ACIN1: variants seen among roughly 807,000 people sequenced by gnomAD.
The protein encoded by ACIN1 is apoptotic chromatin condensation inducer in the nucleus.
A neutral mutation model predicts 146.6 loss-of-function variants in ACIN1; 16 were observed. That is an observed-to-expected ratio of 0.11 (90% CI 0.07 to 0.17). The LOEUF (loss-of-function observed/expected upper bound fraction) is 0.17, where lower values mean the gene tolerates loss of function less well. Ranked by LOEUF, ACIN1 falls within the 10% of genes least tolerant of loss-of-function variation. The probability of loss-of-function intolerance (pLI) is 1.00; values close to 1 mark genes in which losing one functional copy is unlikely to be tolerated. For missense variants in ACIN1, 1,357 were observed against 1,609.3 expected, an observed-to-expected ratio of 0.84 and a Z score of 2.68; for synonymous variants, 569 against 582.7, an observed-to-expected ratio of 0.98 and a Z score of 0.34.
upstream of ACIN1, chr14:23,095,490 C>T: frequency 5.7e-6 from 4 of 696,956 alleles, no homozygotes; most frequent in Admixed American, 1.4e-4. Context: ...GGGGCGGGTC[C>T]GAGGCCGGAA....
chr14:23,068,781 A>G lies in ACIN1; in HGVS notation c.2265+695T>C, dbSNP rs896482344. ...GCAACACACACCAGAAAAAGGCTAC[A>G]CACACAACAGTCCCTCCCACCTTGT... On this transcript the variant is annotated intron_variant, in intron 9 of 18. Coordinates refer to ENST00000605057, the MANE Select transcript of ACIN1 (RefSeq NM_001386863.1). The surrounding 1 kb of genome is among the most constrained non-coding windows in gnomAD (Gnocchi z 4.3). The G allele has an allele frequency of 4.1e-6, 4 of 985,352 alleles. No homozygotes were observed. In the African/African-American group the frequency reaches 7.0e-5, roughly 17 times the overall value. The allele number at this position is 985,352 out of a possible 1,614,324, so 61.0% of individuals were successfully genotyped here.
Position 23,061,971 on chromosome 14 carries a change from C to CAAAAAAAAA in ACIN1, c.3099+188_3099+196dup, listed in dbSNP as rs57962360. Among the ~76,000 whole-genome samples, 112 of 59,128 alleles carry CAAAAAAAAA rather than the reference C, an allele frequency of 1.9e-3. 7 individuals are homozygous for CAAAAAAAAA. The highest frequency in any genetic ancestry group is 7.7e-3 in the African/African-American group (105 of 13,632). 38.8% of individuals were successfully genotyped at this position (59,128 alleles called of 152,430 possible). ...CCTGGGAGACAGCGAGACTCTGTCT[C>CAAAAAAAAA]AAAAAAAAAAAAAAAAAAAAAAGGA... On this transcript the variant is annotated intron_variant, in intron 16 of 18. Coordinates refer to ENST00000605057, the MANE Select transcript of ACIN1 (RefSeq NM_001386863.1).
At chr14:23,088,153 A>C (rs1348395871) in intron 4 of ACIN1, among the ~76,000 whole-genome samples, 1 of 152,204 alleles carries the variant, frequency 6.6e-6, no homozygotes, top group Non-Finnish European at 1.5e-5. Flanking sequence ...GGAATTCAAT[A>C]AATTTTTTTT....
chr14:23,094,533 C>T (rs1360715397), intron 1 of ACIN1: 1 of 985,354 alleles, frequency 1.0e-6, no homozygotes, highest in Non-Finnish European at 1.2e-6. Flanking sequence ...CTACCCCAGT[C>T]CTATTCGTGC....
At chr14:23,093,330 T>G (rs961597498) in intron 2 of ACIN1, 149 bp downstream of exon 2, 7 of 751,620 alleles carry the variant, frequency 9.3e-6, no homozygotes, top group African/African-American at 1.8e-5. Flanking sequence ...TTGATTAGAA[T>G]TCAACTGTCC....
At chr14:23,060,466 G>T (rs1487191648) in intron 18 of ACIN1, among the ~76,000 whole-genome samples, 1 of 151,680 alleles carries the variant, frequency 6.6e-6, no homozygotes, top group South Asian at 2.1e-4. Context: ...GCAGGGAAAT[G>T]AATTTATAAA....
intron 9 of ACIN1, chr14:23,066,569 C>G (rs1477111835): frequency 6.5e-6 from 1 of 152,898 alleles, no homozygotes; most frequent in Non-Finnish European, 1.5e-5. Context: ...ACTGTCATGT[C>G]AAGACTGCCC....
rs776778970 is a variant in ACIN1, at chr14:23,067,458, T to TA, written c.2266-1451dup. 4.2e-5 allele frequency: 41 copies of TA among 976,528 alleles called. No individual in the cohort carries two copies. Among genetic ancestry groups the TA allele is most frequent in the Non-Finnish European group, 4.9e-5 (41 of 828,336 alleles). 60.5% of individuals were successfully genotyped at this position (976,528 alleles called of 1,614,324 possible). A position where few individuals can be genotyped will look rare whatever the true frequency, so the allele number is the denominator to read the frequency against. On this transcript the variant is annotated intron_variant, in intron 9 of 18. Transcript: ENST00000605057. The surrounding 1 kb of genome is among the most constrained non-coding windows in gnomAD (Gnocchi z 4.6). ...CAAAAAAGGTGGGCGCACGGCGTGGTAGTCAGCACGGCACTGCCAGAGTCC... is the reference window on the plus strand; with the variant it reads ...CAAAAAAGGTGGGCGCACGGCGTGGTAAGTCAGCACGGCACTGCCAGAGTCC...
At position 23,069,634 on chromosome 14, in the gene ACIN1, G is replaced by A. The variant is rs764211791; in HGVS notation, c.2124-17C>T. On this transcript the variant is annotated splice_polypyrimidine_tract_variant and intron_variant, in intron 8 of 18. Coordinates refer to ENST00000605057, the MANE Select transcript of ACIN1 (RefSeq NM_001386863.1). ...TTCTCCTCACTGACAGGAGGGGGGA[G>A]TGGTGGTGGGGGGGCGGGCAGAAAA... 6.6e-7 allele frequency: 1 copy of A among 1,511,786 alleles called. No individual in the cohort carries two copies. The highest frequency in any genetic ancestry group is 9.1e-7 in the Non-Finnish European group (1 of 1,103,888). The allele number at this position is 1,511,786 out of a possible 1,614,324, so 93.6% of individuals were successfully genotyped here.
chr14:23,088,188 A>G (rs2048136101), intron 4 of ACIN1, among the ~76,000 whole-genome samples: 1 of 152,206 alleles, frequency 6.6e-6, no homozygotes. Flanking sequence ...AGAAATACCG[A>G]CAATTTTAGA....
chr14:23,094,967 C>T lies in ACIN1; in HGVS notation c.138+8G>A. ...TCCTCCGACACCCCAGCAACGCCGA[C>T]TCCTCACCCCTTTGAGCCGCTTGAC... On this transcript the variant is annotated splice_region_variant and intron_variant, in intron 1 of 18. Coordinates refer to ENST00000605057, the MANE Select transcript of ACIN1 (RefSeq NM_001386863.1). 6.3e-7 allele frequency: 1 copy of T among 1,587,700 alleles called. No homozygotes were observed. The highest frequency in any genetic ancestry group is 1.1e-5 in the South Asian group (1 of 89,506).
chr14:23,079,303 G>A (rs149340441), intron 6 of ACIN1, among the ~76,000 whole-genome samples: 1 of 152,312 alleles, frequency 6.6e-6, no homozygotes, highest in Non-Finnish European at 1.5e-5. Context: ...TTTCCATCTA[G>A]TGGAGGAGAT....
At chr14:23,072,690 A>G (rs1482833009) in intron 8 of ACIN1, among the ~76,000 whole-genome samples, 1 of 152,236 alleles carries the variant, frequency 6.6e-6, no homozygotes, top group Non-Finnish European at 1.5e-5. Context: ...GTAACATTTG[A>G]GCTTTTAAGC....
At chr14:23,084,034 C>T (rs2048021669) in intron 4 of ACIN1, among the ~76,000 whole-genome samples, 1 of 151,804 alleles carries the variant, frequency 6.6e-6, no homozygotes, top group Non-Finnish European at 1.5e-5. Flanking sequence ...GCAACCTCCG[C>T]CTCCTGGGTT....
At position 23,086,052 on chromosome 14, in the gene ACIN1, C is replaced by G. The variant is rs17308793; in HGVS notation, c.436+3930G>C. 3.1e-3 allele frequency among the ~76,000 whole-genome samples: 475 copies of G among 152,226 alleles called. 22 individuals carry two copies. The East Asian group carries it at 0.064, about 21-fold the overall frequency. On this transcript the variant is annotated intron_variant, in intron 4 of 18. Coordinates refer to ENST00000605057, the MANE Select transcript of ACIN1 (RefSeq NM_001386863.1). ...AATTCCTGGGTAGGATTTGTGGGAC[C>G]AAAGTAAGGAAGCCAGAGATCGAAG... is the stretch of plus-strand genomic sequence containing the variant.
chr14:23,094,475 G>C (rs1339244559), intron 1 of ACIN1: 1 of 984,822 alleles, frequency 1.0e-6, no homozygotes, highest in South Asian at 4.7e-5. Context: ...TTCAAATAAA[G>C]GTCTCTCTTC....
rs765889259 is a variant in ACIN1, at chr14:23,080,219, T to C, written c.1116A>G (p.Pro372=). ...TKEASSPPPH[P]QLHSEEEIEP... Reference sequence around the variant, plus strand: ...CTATTTCTTCTTCGCTATGGAGCTGTGGATGAGGTGGTGGAGAAGATGCTT... The same window carrying C: ...CTATTTCTTCTTCGCTATGGAGCTGCGGATGAGGTGGTGGAGAAGATGCTT... The change falls in exon 6 of 19, where the codon CCA becomes CCG. Residue 372 remains proline, a synonymous_variant. Transcript: ENST00000605057. 13 of 1,614,070 alleles carry C rather than the reference T, an allele frequency of 8.1e-6. No individual in the cohort carries two copies. In the East Asian group the frequency reaches 1.1e-4, roughly 14 times the overall value.
intron 9 of ACIN1, 45 bp from the exon 10 acceptor site, chr14:23,066,053 C>G: frequency 6.4e-7 from 1 of 1,563,352 alleles, no homozygotes; most frequent in Non-Finnish European, 8.8e-7. Flanking sequence ...AAGAGAGACA[C>G]CCCACAGAGA....
chr14:23,095,141 A>G (rs1025479156), upstream of ACIN1: 1 of 1,614,076 alleles, frequency 6.2e-7, no homozygotes, highest in Non-Finnish European at 8.5e-7. Context: ...GTCCGTCCCG[A>G]CGGCTTCGGG....
Sources: allele counts gnomAD v4.1 joint callset (sites outside exome capture counted in the v4.1 genomes callset), GRCh38; gene constraint gnomAD v4.1.1; non-coding constraint Gnocchi (gnomAD v3.1); transcripts MANE v1.5; gene names NCBI Gene and HGNC (gene_info 2026-07-23, HGNC 2026-07-21).